The following KIRREL3 variants were observed in gnomAD, a reference collection of about 807,000 sequenced individuals.
KIRREL3 encodes kin of IRRE-like protein 3.
A neutral mutation model predicts 89.7 loss-of-function variants in KIRREL3; 36 were observed. The ratio of observed to expected loss-of-function variants is 0.40; its 90% CI spans 0.31 to 0.53. The LOEUF is 0.53. KIRREL3 is among the 20% of genes least tolerant of loss of function. The probability of loss-of-function intolerance (pLI) is 0.49; values close to 1 mark genes in which losing one functional copy is unlikely to be tolerated. For synonymous variants in KIRREL3, 445 were observed against 441.4 expected, an observed-to-expected ratio of 1.01 and a Z score of -0.10; for missense variants, 864 against 1,056.6, an observed-to-expected ratio of 0.82 and a Z score of 2.53.
chr11:126,502,916 T>C (rs189758120), intron 4 of KIRREL3, among the ~76,000 whole-genome samples: 15 of 152,318 alleles, frequency 9.8e-5, no homozygotes, highest in Non-Finnish European at 1.9e-4. Context: ...GATTTACAGG[T>C]GGCAAGGAGG....
At chr11:126,825,331 A>G (rs1592182153) in intron 1 of KIRREL3, among the ~76,000 whole-genome samples, 1 of 152,230 alleles carries the variant, frequency 6.6e-6, no homozygotes, top group Non-Finnish European at 1.5e-5. Flanking sequence ...AAATATGAAT[A>G]TAAAACAAAA....
chr11:126,457,792 T>C (rs1030172198), intron 6 of KIRREL3, among the ~76,000 whole-genome samples: 5 of 151,406 alleles, frequency 3.3e-5, no homozygotes, highest in Admixed American at 3.3e-4. Context: ...AATGACAGGG[T>C]GTTAGAGAGA....
intron 2 of KIRREL3, among the ~76,000 whole-genome samples, chr11:126,552,787 T>C (rs1939390417): frequency 6.6e-6 from 1 of 151,940 alleles, no homozygotes; most frequent in Non-Finnish European, 1.5e-5. Flanking sequence ...GGTCTCAAAC[T>C]CCTGACCTCA....
intron 1 of KIRREL3, among the ~76,000 whole-genome samples, chr11:126,713,506 C>T (rs953077919): frequency 6.6e-6 from 1 of 152,170 alleles, no homozygotes; most frequent in African/African-American, 2.4e-5. Flanking sequence ...GAGGCCATTG[C>T]AGAGACCCAG....
At chr11:126,695,509 C>T (rs1947058924) in intron 1 of KIRREL3, among the ~76,000 whole-genome samples, 1 of 152,006 alleles carries the variant, frequency 6.6e-6, no homozygotes, top group South Asian at 2.1e-4. Flanking sequence ...TTTCCCAAGT[C>T]CCCACCTTCT....
At position 126,812,266 on chromosome 11, in the gene KIRREL3, C is replaced by T. The variant is rs914105085; in HGVS notation, c.55+188189G>A. 6.6e-6 allele frequency among the ~76,000 whole-genome samples: 1 copy of T among 152,102 alleles called. No individual in the cohort carries two copies. The highest frequency in any genetic ancestry group is 1.5e-5 in the Non-Finnish European group (1 of 68,032). ...GATAGCGCTGTGTATATGGCAGGCA[C>T]TCATTACTATTGTTTTGTAGATGTG... On this transcript the variant is annotated intron_variant, in intron 1 of 16. Coordinates refer to ENST00000525144, the MANE Select transcript of KIRREL3 (RefSeq NM_032531.4). The surrounding 1 kb of genome is among the most constrained non-coding windows in gnomAD (Gnocchi z 5.2).
At position 126,817,349 on chromosome 11, in the gene KIRREL3, A is replaced by G. The variant is rs1951607500; in HGVS notation, c.55+183106T>C. On this transcript the variant is annotated intron_variant, in intron 1 of 16. Coordinates refer to ENST00000525144, the MANE Select transcript of KIRREL3 (RefSeq NM_032531.4). This position sits in a 1 kb window ranked among gnomAD's most constrained non-coding sequence, Gnocchi z 5.7. ...TGTACCACAGAAAATGGTGGTGATG[A>G]TGACAGCCAGTCAACAGAAGCTGAT... Among the ~76,000 whole-genome samples the G allele has an allele frequency of 6.6e-6, 1 of 152,194 alleles. No homozygotes were observed. Among genetic ancestry groups the G allele is most frequent in the African/African-American group, 2.4e-5 (1 of 41,456 alleles).
chr11:126,456,443 C>T lies in KIRREL3; in HGVS notation c.754G>A (p.Val252Ile). Residue 252 changes from valine (V) to isoleucine (I), a missense_variant, in exon 7 of 17, where the codon GTC (valine) becomes ATC (isoleucine). Physicochemically the swap from Val to Ile is conservative, Grantham distance 29. Transcript: ENST00000525144. ...VTIDIQHPPL[V>I]NLSVEPQPVL... Reference sequence around the variant, plus strand: ...GGCTGTGGCTCCACCGAGAGGTTGACCAGTGGAGGGTCTGCAGGGAGAGGA... The same window carrying T: ...GGCTGTGGCTCCACCGAGAGGTTGATCAGTGGAGGGTCTGCAGGGAGAGGA... 1.3e-6 allele frequency: 2 copies of T among 1,580,182 alleles called. No homozygotes were observed. The highest frequency in any genetic ancestry group is 1.2e-5 in the South Asian group (1 of 85,808).
intron 1 of KIRREL3, among the ~76,000 whole-genome samples, chr11:126,821,279 C>G (rs1251291706): frequency 1.4e-5 from 2 of 147,274 alleles, no homozygotes; most frequent in Admixed American, 6.8e-5. Context: ...CTTCTCACCA[C>G]TGTAAAGCTG....
intron 8 of KIRREL3, among the ~76,000 whole-genome samples, chr11:126,447,263 A>G (rs1396229207): frequency 6.7e-6 from 1 of 150,070 alleles, no homozygotes; most frequent in Non-Finnish European, 1.5e-5. Flanking sequence ...AAGCCCCTCC[A>G]TCCCAGTGGC....
intron 1 of KIRREL3, among the ~76,000 whole-genome samples, chr11:126,672,753 A>G (rs1946012525): frequency 1.3e-5 from 2 of 152,214 alleles, no homozygotes; most frequent in South Asian, 4.1e-4. Context: ...GGAATTTGCT[A>G]TCTAGTCAGG....
chr11:126,483,274 A>T (rs1310955366), intron 4 of KIRREL3, among the ~76,000 whole-genome samples: 1 of 152,234 alleles, frequency 6.6e-6, no homozygotes, highest in Non-Finnish European at 1.5e-5. Flanking sequence ...GTTGAACATA[A>T]GCCTACAAAT....
intron 1 of KIRREL3, among the ~76,000 whole-genome samples, chr11:126,907,845 C>G (rs546996585): frequency 6.6e-6 from 1 of 152,116 alleles, no homozygotes; most frequent in Non-Finnish European, 1.5e-5. Context: ...TTGAGTTCCC[C>G]CATCAAGTCC....
chr11:126,433,182 A>T (rs569081183), intron 13 of KIRREL3, among the ~76,000 whole-genome samples: 1 of 152,370 alleles, frequency 6.6e-6, no homozygotes, highest in East Asian at 1.9e-4. Context: ...CCCGATCAGC[A>T]GTTCACAGTC....
At chr11:126,461,579 C>T (rs1005698175) in intron 6 of KIRREL3, among the ~76,000 whole-genome samples, 8 of 152,150 alleles carry the variant, frequency 5.3e-5, no homozygotes, top group South Asian at 2.1e-4. Context: ...AAGTCCCCCC[C>T]GCCCCAAGAA....
chr11:126,726,214 T>C (rs1948374003), intron 1 of KIRREL3, among the ~76,000 whole-genome samples: 1 of 152,162 alleles, frequency 6.6e-6, no homozygotes, highest in Non-Finnish European at 1.5e-5. Flanking sequence ...AGCTCTGACA[T>C]TCAGTGATTC....
chr11:126,477,845 A>T lies in KIRREL3; in HGVS notation c.434-4379T>A, dbSNP rs1333689656. Among the ~76,000 whole-genome samples, 1 of 152,082 alleles carries T rather than the reference A, an allele frequency of 6.6e-6. No individual in the cohort carries two copies. Among genetic ancestry groups the T allele is most frequent in the Non-Finnish European group, 1.5e-5 (1 of 68,002 alleles). Reference sequence around the variant, plus strand: ...GCTGGAGGGGTGGGGGACCAGCAGCACCACCCTCCTGCCCCCATACTGCAT... The same window carrying T: ...GCTGGAGGGGTGGGGGACCAGCAGCTCCACCCTCCTGCCCCCATACTGCAT... On this transcript the variant is annotated intron_variant, in intron 4 of 16. Transcript: ENST00000525144. The surrounding 1 kb of genome is among the most constrained non-coding windows in gnomAD (Gnocchi z 4.8).
At chr11:126,818,002 A>G (rs2187570) in intron 1 of KIRREL3, among the ~76,000 whole-genome samples, 131,483 of 152,280 alleles carry the variant, frequency 0.86, 57,118 homozygotes, top group East Asian at 1. Context: ...GGAAGTGGCC[A>G]TGCTCCACAG....
chr11:126,502,757 C>T (rs1957900829), intron 4 of KIRREL3, among the ~76,000 whole-genome samples: 1 of 152,242 alleles, frequency 6.6e-6, no homozygotes, highest in African/African-American at 2.4e-5. Flanking sequence ...TTTGCATCTC[C>T]AAAAGGTGAT....
Sources: allele counts gnomAD v4.1 joint callset (sites outside exome capture counted in the v4.1 genomes callset), GRCh38; gene constraint gnomAD v4.1.1; non-coding constraint Gnocchi (gnomAD v3.1); transcripts MANE v1.5; gene names NCBI Gene and HGNC (gene_info 2026-07-23, HGNC 2026-07-21).